Variants in UBE2F observed in about 807,000 individuals in gnomAD.
UBE2F encodes the protein NEDD8-conjugating enzyme UBE2F.
In UBE2F, 5 loss-of-function variants were observed where a neutral mutation model predicts 29.6. The ratio of observed to expected loss-of-function variants is 0.17; its 90% CI spans 0.09 to 0.36. The LOEUF is 0.36. Among genes scored for constraint, UBE2F ranks in the 10% least tolerant of loss-of-function variants. The pLI, the probability that UBE2F is intolerant of heterozygous loss-of-function variation, is 1.00. For synonymous variants in UBE2F, 66 were observed against 81.8 expected (o/e 0.81, Z 1.04); for missense variants, 141 against 228.5 (o/e 0.62, Z 2.47).
intron 1 of UBE2F, among the ~76,000 whole-genome samples, chr2:237,969,208 A>G (rs1576582595): frequency 1.3e-5 from 2 of 152,238 alleles, no homozygotes; most frequent in Non-Finnish European, 2.9e-5. Flanking sequence ...CTGACTCTTC[A>G]GTGGAATTGA....
intron 4 of UBE2F, 53 bp from the exon 5 acceptor site, chr2:238,016,513 C>A: frequency 7.7e-7 from 1 of 1,293,782 alleles, no homozygotes; most frequent in Non-Finnish European, 1.1e-6. Context: ...TTTTTGTTTC[C>A]TTTTTTTTTT....
Position 238,032,097 on chromosome 2 carries a change from G to A in UBE2F, c.412-125G>A, listed in dbSNP as rs1396800707. 2.4e-5 allele frequency: 17 copies of A among 711,296 alleles called. No homozygotes were observed. The East Asian group carries it at 4.5e-4, about 19-fold the overall frequency. 44.1% of individuals were successfully genotyped at this position (711,296 alleles called of 1,614,324 possible). On this transcript the variant is annotated intron_variant, in intron 7 of 9. Coordinates refer to ENST00000272930, the MANE Select transcript of UBE2F (RefSeq NM_080678.3). Reference sequence around the variant, plus strand: ...AGAAGTTATTTTAATTTTCTATCTTGAGAAAAACAAACCATGCTAAAGACA... The same window carrying A: ...AGAAGTTATTTTAATTTTCTATCTTAAGAAAAACAAACCATGCTAAAGACA...
intron 6 of UBE2F, among the ~76,000 whole-genome samples, chr2:238,029,360 G>A (rs1002480730): frequency 4.6e-5 from 7 of 152,100 alleles, no homozygotes; most frequent in East Asian, 1.9e-4. Flanking sequence ...AGGCCGAGGC[G>A]GGCGGATCAC....
At chr2:237,985,907 C>T (rs1459219585) in intron 2 of UBE2F, among the ~76,000 whole-genome samples, 5 of 152,234 alleles carry the variant, frequency 3.3e-5, no homozygotes, top group Middle Eastern at 3.4e-3. Context: ...GGTGATTTCT[C>T]ATGATTTTGA....
chr2:238,039,479 A>G (rs1380526336), intron 9 of UBE2F, among the ~76,000 whole-genome samples: 3 of 152,354 alleles, frequency 2.0e-5, no homozygotes, highest in Admixed American at 1.3e-4. Context: ...GCTTCCATGC[A>G]CTTGACACAG....
intron 8 of UBE2F, among the ~76,000 whole-genome samples, chr2:238,034,300 C>T (rs948257238): frequency 2.7e-5 from 4 of 150,780 alleles, no homozygotes; most frequent in Middle Eastern, 3.4e-3. Flanking sequence ...TGGTGGCGGG[C>T]GCCTGTAATC....
chr2:238,005,359 G>A (rs1000172493), intron 4 of UBE2F, among the ~76,000 whole-genome samples: 3 of 151,952 alleles, frequency 2.0e-5, no homozygotes, highest in African/African-American at 7.2e-5. Flanking sequence ...ACCACACCTG[G>A]CTGATTTTTG....
At chr2:237,981,246 C>A (rs1413600896) in intron 2 of UBE2F, among the ~76,000 whole-genome samples, 1 of 152,176 alleles carries the variant, frequency 6.6e-6, no homozygotes, top group Admixed American at 6.5e-5. Flanking sequence ...TGCTAATAGT[C>A]TTACTGCACC....
intron 1 of UBE2F, among the ~76,000 whole-genome samples, chr2:237,969,808 C>T (rs544740493): frequency 6.6e-6 from 1 of 152,242 alleles, no homozygotes; most frequent in East Asian, 1.9e-4. Flanking sequence ...GTAGCTAAAG[C>T]CCCTACAGGT....
chr2:237,998,749 A>G (rs565744581), intron 4 of UBE2F, among the ~76,000 whole-genome samples: 1 of 152,248 alleles, frequency 6.6e-6, no homozygotes, highest in South Asian at 2.1e-4. Context: ...TGGTTGTGCC[A>G]TACCCTGACC....
At chr2:237,994,871 C>T (rs1270074677) in intron 4 of UBE2F, 62 bp downstream of exon 4, 46 of 1,349,940 alleles carry the variant, frequency 3.4e-5, no homozygotes, top group Non-Finnish European at 4.6e-5. Context: ...GCTGCCCAAA[C>T]CTGTAATCTT....
At position 237,982,858 on chromosome 2, in the gene UBE2F, G is replaced by A. The variant is rs939048524; in HGVS notation, c.119-5105G>A. Among the ~76,000 whole-genome samples, 1 of 152,118 alleles carries A rather than the reference G, an allele frequency of 6.6e-6. No individual in the cohort carries two copies. Among genetic ancestry groups the A allele is most frequent in the East Asian group, 1.9e-4 (1 of 5,192 alleles). On this transcript the variant is annotated intron_variant, in intron 2 of 9. Coordinates refer to ENST00000272930, the MANE Select transcript of UBE2F (RefSeq NM_080678.3). The surrounding 1 kb of genome is among the most constrained non-coding windows in gnomAD (Gnocchi z 4.1). Reference sequence around the variant, plus strand: ...GTTCTGTTGTCTTTCTCCATCCTCTGCCTTTCCCATACATTGCTCTAAGGA... The same window carrying A: ...GTTCTGTTGTCTTTCTCCATCCTCTACCTTTCCCATACATTGCTCTAAGGA...
At chr2:237,972,950 A>G (rs539813749) in intron 1 of UBE2F, 142 bp from the exon 2 acceptor site, 36 of 811,452 alleles carry the variant, frequency 4.4e-5, no homozygotes, top group South Asian at 4.0e-4. Context: ...AAGGAATCCA[A>G]TCTTATTAAT....
intron 4 of UBE2F, among the ~76,000 whole-genome samples, chr2:238,010,615 C>T (rs2064001920): frequency 6.6e-6 from 1 of 152,212 alleles, no homozygotes; most frequent in Admixed American, 6.5e-5. Context: ...TGTCCTCTGC[C>T]TCATCTTCCA....
intron 2 of UBE2F, among the ~76,000 whole-genome samples, chr2:237,974,307 C>CA (rs2063231771): frequency 6.6e-6 from 1 of 151,996 alleles, no homozygotes; most frequent in African/African-American, 2.4e-5. Flanking sequence ...TTTCCTGCCT[C>CA]AGACTCTCGA....
chr2:238,030,634 T>G (rs778423523), intron 7 of UBE2F, 21 bp downstream of exon 7: 5 of 1,603,920 alleles, frequency 3.1e-6, no homozygotes, highest in Non-Finnish European at 4.3e-6. Flanking sequence ...TGCCTTGATC[T>G]TGATCATAAG....
intron 3 of UBE2F, among the ~76,000 whole-genome samples, chr2:237,992,608 A>C (rs1031292258): frequency 6.6e-6 from 1 of 152,226 alleles, no homozygotes; most frequent in Admixed American, 6.5e-5. Context: ...ATGTCTTAAC[A>C]TGGTCATTAA....
chr2:237,987,992 T>G lies in UBE2F; in HGVS notation c.148T>G (p.Cys50Gly). Residue 50 changes from cysteine (C) to glycine (G), a missense_variant and splice_region_variant, in exon 3 of 10, where the codon TGT (cysteine) becomes GGT (glycine). Cys to Gly is a radical substitution (Grantham distance 159). Transcript: ENST00000272930. Reference protein sequence around the residue: ...EVAELEANLPCTCKVHFPDPN... With the variant: ...EVAELEANLPGTCKVHFPDPN... The stretch of plus-strand genomic sequence containing the variant: ...TGCAGAACTTGAAGCTAATTTACCT[T>G]GTAAGTATAGCATCCCCAAACACTA... 1.3e-6 allele frequency: 2 copies of G among 1,508,484 alleles called. No individual in the cohort carries two copies. Among genetic ancestry groups the G allele is most frequent in the Non-Finnish European group, 1.8e-6 (2 of 1,126,748 alleles). 93.4% of individuals were successfully genotyped at this position (1,508,484 alleles called of 1,614,324 possible).
intron 9 of UBE2F, 73 bp downstream of exon 9, chr2:238,036,013 A>G: frequency 7.4e-7 from 1 of 1,345,686 alleles, no homozygotes; most frequent in South Asian, 1.2e-5. Context: ...TCTTGATTGG[A>G]TAAATGAGAA....
Sources: allele counts gnomAD v4.1 joint callset (sites outside exome capture counted in the v4.1 genomes callset), GRCh38; gene constraint gnomAD v4.1.1; non-coding constraint Gnocchi (gnomAD v3.1); transcripts MANE v1.5; gene names NCBI Gene and HGNC (gene_info 2026-07-23, HGNC 2026-07-21).